IRAK4: variants seen among roughly 807,000 people sequenced by gnomAD.
The protein encoded by IRAK4 is interleukin-1 receptor-associated kinase 4.
In IRAK4, 44 loss-of-function variants were observed where a neutral mutation model predicts 51.8. The observed-to-expected ratio is 0.85, with a 90% CI of 0.67 to 1.09. The LOEUF is 1.09. Ranked by LOEUF, IRAK4 falls within the 50% of genes least tolerant of loss-of-function variation. IRAK4 has a pLI of 0.00. For synonymous variants in IRAK4, 149 were observed against 174.1 expected, an observed-to-expected ratio of 0.86 and a Z score of 1.13; for missense variants, 487 against 538.0, an observed-to-expected ratio of 0.91 and a Z score of 0.94.
Position 43,772,905 on chromosome 12 carries a change from G to T in IRAK4, c.491-7G>T. 3 of 1,593,576 alleles carry T rather than the reference G, an allele frequency of 1.9e-6. No homozygotes were observed. The South Asian group carries it at 3.4e-5, about 18-fold the overall frequency. On this transcript the variant is annotated splice_polypyrimidine_tract_variant and splice_region_variant and intron_variant, in intron 4 of 11. Transcript: ENST00000613694. Reference sequence around the variant, plus strand: ...AATTTAAGCATGTTTTTCTTATTTTGACATAGGTTTTCACAGTTTTTCATT... The same window carrying T: ...AATTTAAGCATGTTTTTCTTATTTTTACATAGGTTTTCACAGTTTTTCATT...
At chr12:43,778,128 T>C in intron 7 of IRAK4, 65 bp from the exon 8 acceptor site, 1 of 939,230 alleles carries the variant, frequency 1.1e-6, no homozygotes, top group Non-Finnish European at 1.7e-6. Context: ...TATTCTGTGT[T>C]ATATATTCTC....
chr12:43,778,049 T>C, intron 7 of IRAK4, 144 bp from the exon 8 acceptor site: 1 of 637,492 alleles, frequency 1.6e-6, no homozygotes, highest in Non-Finnish European at 2.8e-6. Context: ...ATATTATTTT[T>C]AATAACTTAA....
intron 9 of IRAK4, 130 bp from the exon 10 acceptor site, chr12:43,783,532 G>A: frequency 1.6e-6 from 1 of 644,066 alleles, no homozygotes; most frequent in Non-Finnish European, 2.7e-6. Flanking sequence ...TGTTGCCCAG[G>A]CTGGTCGTGA....
At chr12:43,777,843 A>T in intron 7 of IRAK4, 99 bp downstream of exon 7, 1 of 1,005,284 alleles carries the variant, frequency 9.9e-7, no homozygotes, top group South Asian at 1.3e-5. Flanking sequence ...ATTCACTTTC[A>T]TATTTTTCCT....
In IRAK4 at chr12:43,788,864, G is replaced by A. The variant is rs1163251579; in HGVS notation, c.*2149G>A. ...GTTTCAGACTTGCCAGGATCCTGTT[G>A]CCCCTTTCTTTAGCCAATTTCTCCC... On this transcript the variant is annotated 3_prime_UTR_variant, in exon 12 of 12. Transcript: ENST00000613694. 1 of 152,032 alleles carries A rather than the reference G, an allele frequency of 6.6e-6. No individual in the cohort carries two copies. Among genetic ancestry groups the A allele is most frequent in the Admixed American group, 6.6e-5 (1 of 15,266 alleles). 9.4% of individuals were successfully genotyped at this position (152,032 alleles called of 1,614,324 possible).
At chr12:43,774,293 G>A (rs550172431) in intron 6 of IRAK4, among the ~76,000 whole-genome samples, 8 of 152,094 alleles carry the variant, frequency 5.3e-5, no homozygotes, top group Non-Finnish European at 1.2e-4. Context: ...TGCCCAAGCT[G>A]GAGTGCAGTG....
At chr12:43,760,458 A>C (rs1315963984) in intron 1 of IRAK4, among the ~76,000 whole-genome samples, 2 of 152,210 alleles carry the variant, frequency 1.3e-5, no homozygotes, top group Non-Finnish European at 2.9e-5. Flanking sequence ...CAGCATCTAC[A>C]TCTCACCCAG....
At chr12:43,775,309 T>A (rs1270350291) in intron 6 of IRAK4, among the ~76,000 whole-genome samples, 1 of 152,156 alleles carries the variant, frequency 6.6e-6, no homozygotes, top group Non-Finnish European at 1.5e-5. Flanking sequence ...AAAACATTTT[T>A]AAAATATACA....
chr12:43,784,330 C>T (rs1165281321), intron 10 of IRAK4, among the ~76,000 whole-genome samples: 8 of 152,152 alleles, frequency 5.3e-5, no homozygotes, highest in East Asian at 1.9e-4. Flanking sequence ...TACTTTGCAG[C>T]GGAAGTCAGC....
intron 1 of IRAK4, among the ~76,000 whole-genome samples, chr12:43,761,574 A>G (rs1260248244): frequency 2.6e-5 from 4 of 152,100 alleles, no homozygotes; most frequent in Admixed American, 6.6e-5. Flanking sequence ...TTTTTCAGAT[A>G]AAGAAAAGCA....
At position 43,786,386 on chromosome 12, in the gene IRAK4, A is replaced by C; in HGVS notation, c.1189-13A>C. 6.6e-7 allele frequency: 1 copy of C among 1,525,660 alleles called. No individual in the cohort carries two copies. The highest frequency in any genetic ancestry group is 1.4e-5 in the African/African-American group (1 of 72,276). 94.5% of individuals were successfully genotyped at this position (1,525,660 alleles called of 1,614,324 possible). On this transcript the variant is annotated splice_polypyrimidine_tract_variant and intron_variant, in intron 10 of 11. Transcript: ENST00000613694. The stretch of plus-strand genomic sequence containing the variant: ...GATTTGAAGCTCTTAAAGTTTTAAC[A>C]CTCATTTTAAAGCTAGATATTAAAG...
At chr12:43,778,337 G>A (rs776170021) in intron 8 of IRAK4, 35 bp downstream of exon 8, 1 of 1,143,350 alleles carries the variant, frequency 8.7e-7, no homozygotes, top group Non-Finnish European at 1.3e-6. Context: ...TTGGAAAGCT[G>A]TCTTTAAAGA....
At chr12:43,784,173 T>TA (rs1565686248) in intron 10 of IRAK4, among the ~76,000 whole-genome samples, 2 of 152,246 alleles carry the variant, frequency 1.3e-5, no homozygotes, top group East Asian at 3.9e-4. Context: ...AAAGTTACAA[T>TA]AAAAAACATA....
chr12:43,786,791 A>G lies in IRAK4; in HGVS notation c.*76A>G, dbSNP rs1428078788. On this transcript the variant is annotated 3_prime_UTR_variant, in exon 12 of 12. Coordinates refer to ENST00000613694, the MANE Select transcript of IRAK4 (RefSeq NM_016123.4). The stretch of plus-strand genomic sequence containing the variant: ...TTTTTTTAACTGATTTTTTTCCTAA[A>G]TATTCTTCTTTACCTTTAACAAGGC... 3.9e-6 allele frequency: 5 copies of G among 1,280,118 alleles called. No homozygotes were observed. The highest frequency in any genetic ancestry group is 2.3e-5 in the East Asian group (1 of 43,302). The allele number at this position is 1,280,118 out of a possible 1,614,324, so 79.3% of individuals were successfully genotyped here. A position where few individuals can be genotyped will look rare whatever the true frequency, so the allele number is the denominator to read the frequency against.
rs1415139157 is a variant in IRAK4 at position 43,778,251 on chromosome 12, A to G, written c.890A>G (p.Asn297Ser). The G allele has an allele frequency of 6.2e-7, 1 of 1,611,520 alleles. No individual in the cohort carries two copies. The highest frequency in any genetic ancestry group is 1.3e-5 in the African/African-American group (1 of 74,968). Residue 297 changes from asparagine to serine, a missense_variant, in exon 8 of 12, where the codon AAT becomes AGT. Physicochemically the swap from Asn to Ser is conservative, Grantham distance 46. Coordinates refer to ENST00000613694, the MANE Select transcript of IRAK4 (RefSeq NM_016123.4). ...MRCKIAQGAA[N>S]GINFLHENHH... ...TGCAAGATTGCTCAGGGTGCAGCTAATGGCATCAATTTTCTACATGAAAAT... is the reference window on the plus strand; with the variant it reads ...TGCAAGATTGCTCAGGGTGCAGCTAGTGGCATCAATTTTCTACATGAAAAT...
intron 8 of IRAK4, among the ~76,000 whole-genome samples, chr12:43,781,925 A>G (rs533767037): frequency 3.9e-5 from 6 of 152,326 alleles, no homozygotes; most frequent in Non-Finnish European, 7.3e-5. Flanking sequence ...ACATACTAAG[A>G]AAGGAATTAA....
intron 1 of IRAK4, among the ~76,000 whole-genome samples, chr12:43,763,976 TA>T (rs1939851142): frequency 6.6e-6 from 1 of 152,186 alleles, no homozygotes; most frequent in African/African-American, 2.4e-5. Context: ...CAGTATTTTT[TA>T]AAATTCTTCT....
chr12:43,786,917 A>C lies in IRAK4; in HGVS notation c.*202A>C. On this transcript the variant is annotated 3_prime_UTR_variant, in exon 12 of 12. Coordinates refer to ENST00000613694, the MANE Select transcript of IRAK4 (RefSeq NM_016123.4). Reference sequence around the variant, plus strand: ...ACACTTAGCCCTACCCATTAGTATCACCCCCAGTTCTTACAGTAATCCCTG... The same window carrying C: ...ACACTTAGCCCTACCCATTAGTATCCCCCCCAGTTCTTACAGTAATCCCTG... 1.7e-6 allele frequency: 1 copy of C among 588,646 alleles called. No homozygotes were observed. The highest frequency in any genetic ancestry group is 3.0e-6 in the Non-Finnish European group (1 of 333,448). 36.5% of individuals were successfully genotyped at this position (588,646 alleles called of 1,614,324 possible).
rs1309055785 is a variant in IRAK4 at position 43,772,283 on chromosome 12, T to C, written c.411T>C (p.Pro137=). ...ACAAAGACAGGACATTGATGACACC[T>C]GTGCAGAATCTTGAACAAAGCTATA... The part of the protein sequence containing the change: ...FCDKDRTLMT[P]VQNLEQSYMP... Residue 137 remains proline, a synonymous_variant, in exon 4 of 12, where the codon CCT becomes CCC. Coordinates refer to ENST00000613694, the MANE Select transcript of IRAK4 (RefSeq NM_016123.4). 1 of 1,613,778 alleles carries C rather than the reference T, an allele frequency of 6.2e-7. No homozygotes were observed. The highest frequency in any genetic ancestry group is 8.5e-7 in the Non-Finnish European group (1 of 1,179,932).
Sources: gnomAD v4.1 joint callset for allele counts (sites outside exome capture counted in the v4.1 genomes callset) on GRCh38, gnomAD v4.1.1 for gene constraint, MANE v1.5 for transcripts, NCBI Gene and HGNC (gene_info 2026-07-23, HGNC 2026-07-21) for gene names.